CCDC50: variants seen among roughly 807,000 people sequenced by gnomAD.
The protein encoded by CCDC50 is coiled-coil domain-containing protein 50.
A neutral mutation model predicts 70.2 loss-of-function variants in CCDC50; 54 were observed. That is an observed-to-expected ratio of 0.77 (90% CI 0.62 to 0.96). The LOEUF is 0.96. Among genes scored for constraint, CCDC50 ranks in the 50% least tolerant of loss-of-function variants. The pLI is 0.00. For missense variants in CCDC50, 558 were observed against 578.7 expected, an observed-to-expected ratio of 0.96 and a Z score of 0.37; for synonymous variants, 216 against 198.8, an observed-to-expected ratio of 1.09 and a Z score of -0.73.
intron 4 of CCDC50, among the ~76,000 whole-genome samples, chr3:191,361,641 G>T (rs1712491460): frequency 1.3e-5 from 2 of 152,160 alleles, no homozygotes; most frequent in African/African-American, 4.8e-5. Context: ...GTATCTTTGT[G>T]TCTTCTTGTC....
At position 191,394,434 on chromosome 3, in the gene CCDC50, CTT is replaced by C. The variant is rs774139204; in HGVS notation, c.*2678_*2679del. 1.3e-5 allele frequency: 2 copies of C among 152,092 alleles called. No homozygotes were observed. The highest frequency in any genetic ancestry group is 2.9e-5 in the Non-Finnish European group (2 of 67,980). The allele number at this position is 152,092 out of a possible 1,614,324, so 9.4% of individuals were successfully genotyped here. A position where few individuals can be genotyped will look rare whatever the true frequency, so the allele number is the denominator to read the frequency against. On this transcript the variant is annotated 3_prime_UTR_variant, in exon 12 of 12. Transcript: ENST00000392455. ...CAGACACTTTTCACTGTGTTCTCTGCTTTTTACTTTGTCATTTTTATATAAAT... is the reference window on the plus strand; with the variant it reads ...CAGACACTTTTCACTGTGTTCTCTGCTTTACTTTGTCATTTTTATATAAAT...
intron 1 of CCDC50, among the ~76,000 whole-genome samples, chr3:191,336,237 C>A (rs1711520745): frequency 6.6e-6 from 1 of 151,406 alleles, no homozygotes; most frequent in Admixed American, 6.6e-5. Context: ...AATTGTCAAA[C>A]TGTTTTTCAA....
Position 191,393,440 on chromosome 3 carries a change from G to A in CCDC50, c.*1680G>A, listed in dbSNP as rs569370132. ...TCTTTTCAGATAGTCTTTAAAGTTGGGCAATATTCAGGCAGCTATTTAGAA... is the reference window on the plus strand; with the variant it reads ...TCTTTTCAGATAGTCTTTAAAGTTGAGCAATATTCAGGCAGCTATTTAGAA... On this transcript the variant is annotated 3_prime_UTR_variant, in exon 12 of 12. Coordinates refer to ENST00000392455, the MANE Select transcript of CCDC50 (RefSeq NM_178335.3). The A allele has an allele frequency of 1.3e-5, 2 of 152,184 alleles. No individual in the cohort carries two copies. Among genetic ancestry groups the A allele is most frequent in the Non-Finnish European group, 2.9e-5 (2 of 68,014 alleles). 9.4% of individuals were successfully genotyped at this position (152,184 alleles called of 1,614,324 possible).
intron 3 of CCDC50, 148 bp from the exon 4 acceptor site, chr3:191,360,921 C>T: frequency 1.6e-6 from 1 of 617,132 alleles, no homozygotes; most frequent in South Asian, 1.8e-5. Context: ...GTGACCGTGT[C>T]AGCCTCTTTG....
At chr3:191,339,354 A>T (rs2108633648) in intron 1 of CCDC50, among the ~76,000 whole-genome samples, 1 of 152,306 alleles carries the variant, frequency 6.6e-6, no homozygotes, top group East Asian at 1.9e-4. Flanking sequence ...GGGAGTTATG[A>T]TATAAAATTT....
intron 10 of CCDC50, among the ~76,000 whole-genome samples, chr3:191,386,669 A>T (rs182387136): frequency 6.6e-6 from 1 of 152,316 alleles, no homozygotes; most frequent in African/African-American, 2.4e-5. Context: ...AATCAGTAGC[A>T]TTTCTATATT....
In CCDC50 at chr3:191,392,390, A is replaced by G. The variant is rs1056216046; in HGVS notation, c.*630A>G. ...ACACTTCCTCTGCTTTTGCCTCAGT[A>G]GCAAGGCTTTCCTAAGCTCCTGGGC... On this transcript the variant is annotated 3_prime_UTR_variant, in exon 12 of 12. Transcript: ENST00000392455. 2.0e-5 allele frequency: 3 copies of G among 152,280 alleles called. No individual in the cohort carries two copies. The highest frequency in any genetic ancestry group is 7.2e-5 in the African/African-American group (3 of 41,460). 9.4% of individuals were successfully genotyped at this position (152,280 alleles called of 1,614,324 possible). A position where few individuals can be genotyped will look rare whatever the true frequency, so the allele number is the denominator to read the frequency against.
In CCDC50 at chr3:191,350,980, AG is replaced by A. The variant is rs1394194426; in HGVS notation, c.50-6104del. Among the ~76,000 whole-genome samples, 3 of 139,780 alleles carry A rather than the reference AG, an allele frequency of 2.1e-5. 1 individual carries two copies. Among genetic ancestry groups the A allele is most frequent in the African/African-American group, 7.6e-5 (3 of 39,354 alleles). 91.7% of individuals were successfully genotyped at this position (139,780 alleles called of 152,430 possible). A position where few individuals can be genotyped will look rare whatever the true frequency, so the allele number is the denominator to read the frequency against. ...GTAAACAAAATTCCTGCTGCCCTTT[AG>A]GGGTATGTGTGTATGTGGGGGATGT... On this transcript the variant is annotated intron_variant, in intron 1 of 11. Coordinates refer to ENST00000392455, the MANE Select transcript of CCDC50 (RefSeq NM_178335.3).
chr3:191,379,350 C>T (rs1401921714), intron 6 of CCDC50, among the ~76,000 whole-genome samples: 1 of 152,052 alleles, frequency 6.6e-6, no homozygotes, highest in Non-Finnish European at 1.5e-5. Flanking sequence ...TTTTCTTTCT[C>T]CTCTGAATAG....
rs370076163 is a variant in CCDC50, at chr3:191,398,657, G to A, written c.*6897G>A. The A allele has an allele frequency of 1.3e-5, 2 of 152,134 alleles. No homozygotes were observed. Among genetic ancestry groups the A allele is most frequent in the South Asian group, 4.1e-4 (2 of 4,828 alleles). The allele number at this position is 152,134 out of a possible 1,614,324, so 9.4% of individuals were successfully genotyped here. ...AAATCCTCAATAAATACTGCCAAGT[G>A]TGGATCAGTTGGAGAAGTAGCTTTG... On this transcript the variant is annotated 3_prime_UTR_variant, in exon 12 of 12. Transcript: ENST00000392455.
chr3:191,384,122 T>C (rs1336275976), intron 10 of CCDC50, among the ~76,000 whole-genome samples: 1 of 152,152 alleles, frequency 6.6e-6, no homozygotes, highest in African/African-American at 2.4e-5. Context: ...TAATAGATAC[T>C]TTAGAAATAT....
At chr3:191,357,892 A>T in intron 2 of CCDC50, 106 bp from the exon 3 acceptor site, 1 of 1,368,952 alleles carries the variant, frequency 7.3e-7, no homozygotes, top group Non-Finnish European at 1.0e-6. Flanking sequence ...AAATGAAGTG[A>T]TGGATGCAAA....
At chr3:191,376,559 G>C (rs1713120012) in intron 6 of CCDC50, among the ~76,000 whole-genome samples, 1 of 152,096 alleles carries the variant, frequency 6.6e-6, no homozygotes, top group Non-Finnish European at 1.5e-5. Context: ...CTAGGTTGCG[G>C]ATTCAGGTTA....
chr3:191,364,533 C>G (rs1712612191), intron 4 of CCDC50, among the ~76,000 whole-genome samples: 2 of 151,978 alleles, frequency 1.3e-5, no homozygotes, highest in South Asian at 4.2e-4. Flanking sequence ...GGTTAGTTAC[C>G]ACCCCATAAA....
chr3:191,361,202 T>G, intron 4 of CCDC50, 43 bp downstream of exon 4: 1 of 1,445,430 alleles, frequency 6.9e-7, no homozygotes, highest in Non-Finnish European at 9.7e-7. Context: ...GAGAAAGGGG[T>G]GCTCAGCTTT....
rs774564523 is a variant in CCDC50 at position 191,352,653 on chromosome 3, C to T, written c.50-4435C>T. 1.5e-4 allele frequency among the ~76,000 whole-genome samples: 22 copies of T among 142,132 alleles called. 2 individuals carry two copies. The highest frequency in any genetic ancestry group is 1.9e-4 in the Non-Finnish European group (12 of 63,032). The allele number at this position is 142,132 out of a possible 152,430, so 93.2% of individuals were successfully genotyped here. A position where few individuals can be genotyped will look rare whatever the true frequency, so the allele number is the denominator to read the frequency against. On this transcript the variant is annotated intron_variant, in intron 1 of 11. Coordinates refer to ENST00000392455, the MANE Select transcript of CCDC50 (RefSeq NM_178335.3). The stretch of plus-strand genomic sequence containing the variant: ...TTAATAGACTATAGTGTAAACATAA[C>T]TTTTATATGTACTAGGAAACCAAAA...
Position 191,353,245 on chromosome 3 carries a change from G to C in CCDC50, c.50-3843G>C, listed in dbSNP as rs571675916. ...GAGCCTACGGGACCATTGAGATCTG[G>C]TGGGAACAAAGAATAGTTGTGTAAT... On this transcript the variant is annotated intron_variant, in intron 1 of 11. Transcript: ENST00000392455. 2.5e-4 allele frequency among the ~76,000 whole-genome samples: 36 copies of C among 142,300 alleles called. 5 individuals carry two copies. Among genetic ancestry groups the C allele is most frequent in the Non-Finnish European group, 4.6e-4 (29 of 63,100 alleles). The allele number at this position is 142,300 out of a possible 152,430, so 93.4% of individuals were successfully genotyped here. A position where few individuals can be genotyped will look rare whatever the true frequency, so the allele number is the denominator to read the frequency against.
intron 6 of CCDC50, among the ~76,000 whole-genome samples, chr3:191,379,089 C>T (rs1270581960): frequency 6.6e-6 from 1 of 152,020 alleles, no homozygotes; most frequent in Non-Finnish European, 1.5e-5. Flanking sequence ...TGACAAAAAT[C>T]ATTTTAATTT....
chr3:191,332,373 A>T (rs1718018636), intron 1 of CCDC50, among the ~76,000 whole-genome samples: 1 of 152,228 alleles, frequency 6.6e-6, no homozygotes, highest in African/African-American at 2.4e-5. Context: ...GAAATGATTG[A>T]GTTCATATGT....
Sources: allele counts gnomAD v4.1 joint callset (sites outside exome capture counted in the v4.1 genomes callset), GRCh38; gene constraint gnomAD v4.1.1; transcripts MANE v1.5; gene names NCBI Gene and HGNC (gene_info 2026-07-23, HGNC 2026-07-21).